Variants in DACH2 observed in about 807,000 individuals in gnomAD.
DACH2 encodes the protein dachshund homolog 2.
DACH2 carries 17 observed loss-of-function variants against 35.8 expected under a neutral mutation model. That is an observed-to-expected ratio of 0.48 (90% CI 0.33 to 0.71). The LOEUF is 0.71. Ranked by LOEUF, DACH2 falls within the 30% of genes least tolerant of loss-of-function variation. DACH2 has a pLI of 0.02. For synonymous variants in DACH2, 195 were observed against 177.3 expected, an observed-to-expected ratio of 1.10 and a Z score of -0.79; for missense variants, 469 against 472.7, an observed-to-expected ratio of 0.99 and a Z score of 0.07.
At chrX:86,356,555 T>C (rs1485460333) in intron 1 of DACH2, among the ~76,000 whole-genome samples, 1 of 111,738 alleles carries the variant, frequency 8.9e-6, no homozygotes, top group Non-Finnish European at 1.9e-5. Context: ...AAGAATTGTT[T>C]CTAATTCTAT....
intron 3 of DACH2, among the ~76,000 whole-genome samples, chrX:86,547,567 A>C (rs1029331364): frequency 2.1e-5 from 2 of 97,313 alleles, no homozygotes; most frequent in African/African-American, 3.9e-5. Context: ...ACACACACAC[A>C]CCACAGCTGC....
chrX:86,531,006 GACCTTTGA>G (rs2038711495), intron 3 of DACH2, among the ~76,000 whole-genome samples: 1 of 111,768 alleles, frequency 8.9e-6, no homozygotes, highest in Non-Finnish European at 1.9e-5. Context: ...GAAAGTTGTG[GACCTTTGA>G]ACTTAAAAGA....
At position 86,786,529 on chromosome X, in the gene DACH2, GA is replaced by G. The variant is rs1468689451; in HGVS notation, c.1241-26326del. Among the ~76,000 whole-genome samples, 8 of 112,052 alleles carry G rather than the reference GA, an allele frequency of 7.1e-5. 1 individual carries two copies. Among genetic ancestry groups the G allele is most frequent in the Middle Eastern group, 4.6e-3 (1 of 218 alleles). On this transcript the variant is annotated intron_variant, in intron 7 of 11. Coordinates refer to ENST00000373125, the MANE Select transcript of DACH2 (RefSeq NM_053281.3). Reference sequence around the variant, plus strand: ...AGAAGCAGCATGTCCAAATTGGTCTGATGAAAATTCTTACTGATTTTGTCAT... The same window carrying G: ...AGAAGCAGCATGTCCAAATTGGTCTGTGAAAATTCTTACTGATTTTGTCAT...
At chrX:86,451,070 A>C (rs2037368949) in intron 2 of DACH2, among the ~76,000 whole-genome samples, 1 of 111,531 alleles carries the variant, frequency 9.0e-6, no homozygotes, top group African/African-American at 3.3e-5. Context: ...TCTTTAGTTT[A>C]ATTAGATCCA....
chrX:86,451,711 T>C (rs2037380909), intron 2 of DACH2, among the ~76,000 whole-genome samples: 1 of 111,616 alleles, frequency 9.0e-6, no homozygotes, highest in African/African-American at 3.3e-5. Context: ...TTTCCATTTG[T>C]TTGTGTCATC....
At position 86,334,771 on chromosome X, in the gene DACH2, C is replaced by A. The variant is rs754023933; in HGVS notation, c.489-42053C>A. Reference sequence around the variant, plus strand: ...GAAGCTCTTTAGTTTAGTTAGATCCCATTTCTCAATTTTGGCTTTTGTTGC... The same window carrying A: ...GAAGCTCTTTAGTTTAGTTAGATCCAATTTCTCAATTTTGGCTTTTGTTGC... On this transcript the variant is annotated intron_variant, in intron 1 of 11. Coordinates refer to ENST00000373125, the MANE Select transcript of DACH2 (RefSeq NM_053281.3). Among the ~76,000 whole-genome samples the A allele has an allele frequency of 2.8e-3, 317 of 112,031 alleles. 2 individuals are homozygous for A. Among genetic ancestry groups the A allele is most frequent in the African/African-American group, 9.6e-3 (297 of 30,894 alleles).
chrX:86,349,038 A>G (rs777755756), intron 1 of DACH2, among the ~76,000 whole-genome samples: 1 of 111,902 alleles, frequency 8.9e-6, no homozygotes, highest in Non-Finnish European at 1.9e-5. Context: ...GCTCAATTAG[A>G]CCCTCTGCCT....
rs184741003 is a variant in DACH2 at position 86,658,527 on chromosome X, C to T, written c.772+7360C>T. Among the ~76,000 whole-genome samples, 419 of 111,576 alleles carry T rather than the reference C, an allele frequency of 3.8e-3. 2 individuals carry two copies. Among genetic ancestry groups the T allele is most frequent in the African/African-American group, 0.013 (402 of 30,889 alleles). On this transcript the variant is annotated intron_variant, in intron 4 of 11. Transcript: ENST00000373125. ...AGTTTCCATAATGGCTGCACCATGA[C>T]TCTGCATCAAGATTTCAGCATGAAT...
At chrX:86,654,187 TAAAAAAAAA>T (rs764775335) in intron 4 of DACH2, among the ~76,000 whole-genome samples, 990 of 40,437 alleles carry the variant, frequency 0.024, 20 homozygotes, top group African/African-American at 0.074. Flanking sequence ...ACATTTTTAG[TAAAAAAAAA>T]AAAAAAAAAA....
intron 4 of DACH2, among the ~76,000 whole-genome samples, chrX:86,659,672 T>G (rs1476996401): frequency 9.0e-6 from 1 of 111,690 alleles, no homozygotes; most frequent in Non-Finnish European, 1.9e-5. Flanking sequence ...ATGTTTCTGG[T>G]TTTTTGTACA....
At chrX:86,739,707 G>A (rs764126919) in intron 6 of DACH2, 40 bp from the exon 7 acceptor site, 16 of 1,159,992 alleles carry the variant, frequency 1.4e-5, no homozygotes, top group South Asian at 3.8e-5. Flanking sequence ...AAAACTTGGC[G>A]CATAGATGAC....
At chrX:86,819,401 T>G (rs1035645877) in intron 11 of DACH2, among the ~76,000 whole-genome samples, 1 of 110,722 alleles carries the variant, frequency 9.0e-6, no homozygotes, top group Non-Finnish European at 1.9e-5. Flanking sequence ...TCACATAAAA[T>G]AAACATACCG....
At chrX:86,797,960 G>A (rs747593680) in intron 7 of DACH2, among the ~76,000 whole-genome samples, 17 of 112,023 alleles carry the variant, frequency 1.5e-4, no homozygotes, top group Non-Finnish European at 2.8e-4. Flanking sequence ...TCTCATGAAC[G>A]TCTTAAATAA....
intron 3 of DACH2, among the ~76,000 whole-genome samples, chrX:86,633,545 C>T (rs189064216): frequency 9.0e-6 from 1 of 111,598 alleles, no homozygotes; most frequent in Admixed American, 9.5e-5. Flanking sequence ...AGAACTGGTA[C>T]CAATCCTCCT....
chrX:86,171,997 G>A (rs748519100), intron 1 of DACH2, among the ~76,000 whole-genome samples: 15 of 111,730 alleles, frequency 1.3e-4, no homozygotes, highest in African/African-American at 4.2e-4. Context: ...AACTAAGTTC[G>A]CATTTCAGGG....
intron 5 of DACH2, among the ~76,000 whole-genome samples, chrX:86,702,841 G>A (rs1264743872): frequency 9.0e-6 from 1 of 110,986 alleles, no homozygotes; most frequent in Non-Finnish European, 1.9e-5. Flanking sequence ...AAATTCACTG[G>A]ACCTTCAAAG....
chrX:86,445,479 G>A (rs2037248860), intron 2 of DACH2, among the ~76,000 whole-genome samples: 1 of 85,966 alleles, frequency 1.2e-5, no homozygotes, highest in Non-Finnish European at 2.2e-5. Context: ...TGCACAATGT[G>A]CACATGTACC....
intron 11 of DACH2, among the ~76,000 whole-genome samples, chrX:86,827,400 T>C (rs2042572327): frequency 2.7e-5 from 3 of 111,403 alleles, no homozygotes; most frequent in Admixed American, 1.9e-4. Flanking sequence ...AAGAAGAACA[T>C]GCACAAGGGG....
At chrX:86,516,282 T>C (rs1244573780) in intron 3 of DACH2, among the ~76,000 whole-genome samples, 1 of 111,695 alleles carries the variant, frequency 9.0e-6, no homozygotes, top group African/African-American at 3.3e-5. Flanking sequence ...AAGAGTACCA[T>C]GCAAATAATC....
Sources: gnomAD v4.1 joint callset for allele counts (sites outside exome capture counted in the v4.1 genomes callset) on GRCh38, gnomAD v4.1.1 for gene constraint, MANE v1.5 for transcripts, NCBI Gene and HGNC (gene_info 2026-07-23, HGNC 2026-07-21) for gene names.